The following MTMR12 variants were observed in gnomAD, a reference collection of about 807,000 sequenced individuals.
MTMR12 encodes myotubularin-related protein 12.
A neutral mutation model predicts 96.7 loss-of-function variants in MTMR12; 33 were observed. The observed-to-expected ratio is 0.34, with a 90% CI of 0.26 to 0.46. The LOEUF (loss-of-function observed/expected upper bound fraction) is 0.46, where lower values mean the gene tolerates loss of function less well. MTMR12 is among the 20% of genes least tolerant of loss of function. The pLI, the probability that MTMR12 is intolerant of heterozygous loss-of-function variation, is 1.00. For missense variants in MTMR12, 721 were observed against 896.1 expected, an observed-to-expected ratio of 0.80 and a Z score of 2.49; for synonymous variants, 298 against 327.2, an observed-to-expected ratio of 0.91 and a Z score of 0.96.
intron 11 of MTMR12, 102 bp from the exon 12 acceptor site, chr5:32,242,229 C>T: frequency 1.4e-6 from 1 of 698,166 alleles, no homozygotes; most frequent in Non-Finnish European, 2.2e-6. Context: ...TCAGTCTTCT[C>T]TCTTATTTTT....
At chr5:32,287,116 G>C (rs888892565) in intron 1 of MTMR12, among the ~76,000 whole-genome samples, 5 of 152,210 alleles carry the variant, frequency 3.3e-5, no homozygotes, top group African/African-American at 1.2e-4. Context: ...TTTATACTGA[G>C]ACCTGAAAAT....
intron 1 of MTMR12, among the ~76,000 whole-genome samples, chr5:32,291,021 T>C (rs1750720623): frequency 1.3e-5 from 2 of 152,162 alleles, no homozygotes; most frequent in African/African-American, 4.8e-5. Context: ...GGAAGTGGTA[T>C]ACACATGACT....
chr5:32,290,388 C>T (rs1750695928), intron 1 of MTMR12, among the ~76,000 whole-genome samples: 1 of 152,158 alleles, frequency 6.6e-6, no homozygotes, highest in African/African-American at 2.4e-5. Flanking sequence ...AGGATGGGAA[C>T]TAAATCCAAC....
chr5:32,274,215 C>A, intron 2 of MTMR12, 93 bp from the exon 3 acceptor site: 1 of 1,404,230 alleles, frequency 7.1e-7, no homozygotes, highest in South Asian at 1.3e-5. Context: ...TACATAAGGA[C>A]AAACATACAA....
chr5:32,268,820 T>C (rs1042151605), intron 5 of MTMR12, 26 bp from the exon 6 acceptor site: 7 of 1,571,990 alleles, frequency 4.5e-6, no homozygotes, highest in South Asian at 3.3e-5. Flanking sequence ...ACAATGGATA[T>C]AGTTATGGTT....
intron 7 of MTMR12, 139 bp from the exon 8 acceptor site, chr5:32,255,907 G>A: frequency 1.5e-6 from 1 of 668,816 alleles, no homozygotes; most frequent in Non-Finnish European, 2.5e-6. Context: ...AACCAGCTCA[G>A]AGGAACTGCT....
intron 13 of MTMR12, 36 bp downstream of exon 13, chr5:32,238,965 C>T: frequency 6.6e-7 from 1 of 1,526,264 alleles, no homozygotes; most frequent in Admixed American, 1.9e-5. Flanking sequence ...AGTAGTTCTC[C>T]CTATGACGGA....
intron 7 of MTMR12, among the ~76,000 whole-genome samples, chr5:32,258,134 A>G (rs1326087222): frequency 6.6e-6 from 1 of 152,122 alleles, no homozygotes; most frequent in East Asian, 1.9e-4. Context: ...CTCAAAAAAA[A>G]AAATGCAAAA....
intron 8 of MTMR12, among the ~76,000 whole-genome samples, chr5:32,251,381 C>T (rs1748918297): frequency 6.6e-6 from 1 of 152,076 alleles, no homozygotes; most frequent in Non-Finnish European, 1.5e-5. Context: ...GCAGCATAAG[C>T]AGGAAAGGAC....
At chr5:32,304,849 A>T (rs1018053321) in intron 1 of MTMR12, among the ~76,000 whole-genome samples, 1 of 152,202 alleles carries the variant, frequency 6.6e-6, no homozygotes, top group Non-Finnish European at 1.5e-5. Context: ...GTGGTGTTGG[A>T]TAAGACTCAG....
At chr5:32,248,946 C>T in intron 8 of MTMR12, 68 bp from the exon 9 acceptor site, 1 of 1,154,480 alleles carries the variant, frequency 8.7e-7, no homozygotes, top group Non-Finnish European at 1.3e-6. Context: ...ATAAGCTTAG[C>T]ATTTAAATGC....
intron 11 of MTMR12, among the ~76,000 whole-genome samples, chr5:32,243,319 C>T (rs527486848): frequency 6.6e-6 from 1 of 152,320 alleles, no homozygotes; most frequent in African/African-American, 2.4e-5. Context: ...GAGTACATCT[C>T]CTTGTAAGCA....
In MTMR12 at chr5:32,312,839, A is replaced by G; in HGVS notation, c.-1T>C. On this transcript the variant is annotated 5_prime_UTR_variant, in exon 1 of 16. Transcript: ENST00000382142. This position sits in a 1 kb window ranked among gnomAD's most constrained non-coding sequence, Gnocchi z 5.0. ...CGCCGACTACTCCTTTCCCCAGCAT[A>G]CCGCCGCCCTGGGAAGCAGCGACGC... is the stretch of plus-strand genomic sequence containing the variant. 1 of 1,524,184 alleles carries G rather than the reference A, an allele frequency of 6.6e-7. No homozygotes were observed. Among genetic ancestry groups the G allele is most frequent in the Non-Finnish European group, 8.8e-7 (1 of 1,139,630 alleles). 94.4% of individuals were successfully genotyped at this position (1,524,184 alleles called of 1,614,324 possible). A position where few individuals can be genotyped will look rare whatever the true frequency, so the allele number is the denominator to read the frequency against.
chr5:32,254,931 T>C (rs930287054), intron 8 of MTMR12, among the ~76,000 whole-genome samples: 3 of 152,212 alleles, frequency 2.0e-5, no homozygotes, highest in Non-Finnish European at 4.4e-5. Flanking sequence ...AACACTTGGC[T>C]CATATTCCCA....
At chr5:32,237,950 C>T (rs1250189247) in intron 13 of MTMR12, among the ~76,000 whole-genome samples, 1 of 151,528 alleles carries the variant, frequency 6.6e-6, no homozygotes, top group Admixed American at 6.6e-5. Context: ...CAAGACCAGC[C>T]TGGCCAACAT....
At chr5:32,242,880 A>C (rs79706281) in intron 11 of MTMR12, among the ~76,000 whole-genome samples, 2,691 of 152,124 alleles carry the variant, frequency 0.018, 42 homozygotes, top group East Asian at 0.07. Flanking sequence ...CGCAGTACTC[A>C]CTTCAGAATG....
intron 7 of MTMR12, among the ~76,000 whole-genome samples, chr5:32,256,321 C>G (rs1326200576): frequency 6.6e-6 from 1 of 152,130 alleles, no homozygotes; most frequent in Non-Finnish European, 1.5e-5. Flanking sequence ...TCGATTTAAT[C>G]TTCCCAACAA....
At chr5:32,277,348 A>G (rs558883532) in intron 1 of MTMR12, among the ~76,000 whole-genome samples, 3 of 152,320 alleles carry the variant, frequency 2.0e-5, no homozygotes, top group African/African-American at 7.2e-5. Context: ...CTCCTTATCT[A>G]AGGAACAACT....
intron 11 of MTMR12, among the ~76,000 whole-genome samples, chr5:32,242,729 C>T (rs1304489002): frequency 1.3e-5 from 2 of 151,878 alleles, no homozygotes; most frequent in African/African-American, 4.8e-5. Context: ...GATGCTCACC[C>T]TTCTCTGCCC....
Sources: allele counts gnomAD v4.1 joint callset (sites outside exome capture counted in the v4.1 genomes callset), GRCh38; gene constraint gnomAD v4.1.1; non-coding constraint Gnocchi (gnomAD v3.1); transcripts MANE v1.5; gene names NCBI Gene and HGNC (gene_info 2026-07-23, HGNC 2026-07-21).